Variants in RAP1A observed in about 807,000 individuals in gnomAD.
The protein encoded by RAP1A is RAP1A, member of RAS oncogene family.
A neutral mutation model predicts 26.4 loss-of-function variants in RAP1A; 6 were observed. That is an observed-to-expected ratio of 0.23 (90% confidence interval 0.12 to 0.45). The LOEUF (loss-of-function observed/expected upper bound fraction) is 0.45. Ranked by LOEUF, RAP1A falls within the 20% of genes least tolerant of loss-of-function variation. The pLI is 0.99. For missense variants in RAP1A, 121 were observed against 217.2 expected, an observed-to-expected ratio of 0.56 and a Z score of 2.78; for synonymous variants, 73 against 79.4, an observed-to-expected ratio of 0.92 and a Z score of 0.43.
intron 1 of RAP1A, among the ~76,000 whole-genome samples, chr1:111,600,341 C>T (rs1481560224): frequency 6.6e-6 from 1 of 152,222 alleles, no homozygotes; most frequent in Non-Finnish European, 1.5e-5. Flanking sequence ...ACTAGATATT[C>T]TACCATCTCT....
chr1:111,626,370 TACACACACACAC>T (rs3084315), intron 1 of RAP1A, among the ~76,000 whole-genome samples: 3 of 149,278 alleles, frequency 2.0e-5, no homozygotes, highest in African/African-American at 7.4e-5. Flanking sequence ...TATGTATACA[TACACACACACAC>T]ACACACACAC....
intron 1 of RAP1A, among the ~76,000 whole-genome samples, chr1:111,596,131 AG>A (rs1216693017): frequency 1.3e-5 from 2 of 152,190 alleles, no homozygotes; most frequent in African/African-American, 4.8e-5. Flanking sequence ...TTTAAAAAAG[AG>A]TTAATGCTTA....
At chr1:111,591,627 G>A (rs1057371538) in intron 1 of RAP1A, among the ~76,000 whole-genome samples, 26 of 152,190 alleles carry the variant, frequency 1.7e-4, no homozygotes, top group African/African-American at 6.3e-4. Flanking sequence ...AGCGCATGAT[G>A]TTATTAAAGC....
At chr1:111,702,718 G>A (rs1423115313) in intron 4 of RAP1A, among the ~76,000 whole-genome samples, 3 of 149,766 alleles carry the variant, frequency 2.0e-5, no homozygotes, top group Non-Finnish European at 3.0e-5. Flanking sequence ...GCACCACTAC[G>A]CCCGGCTAAT....
chr1:111,639,850 C>CT (rs1223803319), intron 1 of RAP1A, among the ~76,000 whole-genome samples: 1 of 152,200 alleles, frequency 6.6e-6, no homozygotes, highest in Non-Finnish European at 1.5e-5. Flanking sequence ...GGGTCTGCGT[C>CT]TATCAAAGTG....
At chr1:111,664,396 A>C (rs966676985) in intron 1 of RAP1A, among the ~76,000 whole-genome samples, 118 of 140,956 alleles carry the variant, frequency 8.4e-4, no homozygotes, top group Non-Finnish European at 9.7e-4. Context: ...AAAAAAAAAA[A>C]AACAAAAAAC....
intron 1 of RAP1A, chr1:111,648,174 A>AGTGTGTGT (rs143658994): frequency 2.1e-3 from 482 of 230,946 alleles, no homozygotes; most frequent in Middle Eastern, 5.0e-3. Context: ...AGGTTCAAAC[A>AGTGTGTGT]GTGTGTGTGT....
chr1:111,646,444 AC>A (rs1660070339), intron 1 of RAP1A, among the ~76,000 whole-genome samples: 1 of 151,476 alleles, frequency 6.6e-6, no homozygotes, highest in South Asian at 2.1e-4. Context: ...ACAAAACAAA[AC>A]CTCAATTCCC....
At chr1:111,706,455 CATATAT>C (rs145638494) in intron 6 of RAP1A, among the ~76,000 whole-genome samples, 1 of 149,664 alleles carries the variant, frequency 6.7e-6, no homozygotes, top group African/African-American at 2.4e-5. Context: ...CTAATTCATT[CATATAT>C]ATATATATAT....
intron 2 of RAP1A, among the ~76,000 whole-genome samples, chr1:111,693,387 A>G (rs1661729068): frequency 6.6e-6 from 1 of 152,062 alleles, no homozygotes; most frequent in African/African-American, 2.4e-5. Context: ...TTGTTTTAGA[A>G]TTGGAGATAG....
chr1:111,657,524 T>A (rs575601052), intron 1 of RAP1A, among the ~76,000 whole-genome samples: 61 of 152,324 alleles, frequency 4.0e-4, no homozygotes, highest in Non-Finnish European at 7.5e-4. Flanking sequence ...ATCTAAGCAA[T>A]CATTGCCAAA....
chr1:111,694,082 C>T (rs1661757425), intron 2 of RAP1A, among the ~76,000 whole-genome samples: 1 of 151,970 alleles, frequency 6.6e-6, no homozygotes, highest in African/African-American at 2.4e-5. Context: ...TAGAGACAGT[C>T]TCACTATGTT....
intron 1 of RAP1A, among the ~76,000 whole-genome samples, chr1:111,568,833 TCTC>T (rs1178121142): frequency 6.6e-6 from 1 of 152,048 alleles, no homozygotes; most frequent in Non-Finnish European, 1.5e-5. Context: ...TCCACCTTCT[TCTC>T]CTCAGCCTAC....
intron 1 of RAP1A, among the ~76,000 whole-genome samples, chr1:111,613,152 GTTTTT>G (rs149014253): frequency 9.1e-5 from 13 of 142,784 alleles, no homozygotes; most frequent in Non-Finnish European, 1.8e-4. Flanking sequence ...AAAACGTAGG[GTTTTT>G]TTTTTTTTTA....
Position 111,677,137 on chromosome 1 carries a change from T to G in RAP1A, c.-27-14197T>G, listed in dbSNP as rs146568266. On this transcript the variant is annotated intron_variant, in intron 1 of 7. Transcript: ENST00000369709. The stretch of plus-strand genomic sequence containing the variant: ...AAGTAGAATTACAGAATATTACTCT[T>G]TGTGTCTGTCTTATTTTGCTGAACA... Among the ~76,000 whole-genome samples, 358 of 152,356 alleles carry G rather than the reference T, an allele frequency of 2.3e-3. 2 individuals are homozygous for G. The highest frequency in any genetic ancestry group is 8.3e-3 in the African/African-American group (344 of 41,586).
intron 1 of RAP1A, among the ~76,000 whole-genome samples, chr1:111,607,601 G>A (rs1445323380): frequency 2.0e-5 from 3 of 149,046 alleles, no homozygotes; most frequent in Non-Finnish European, 3.0e-5. Flanking sequence ...GGGCAGAGGC[G>A]CCCCTCACCT....
At position 111,695,889 on chromosome 1, in the gene RAP1A, G is replaced by A. The variant is rs146268510; in HGVS notation, c.126+480G>A. Among the ~76,000 whole-genome samples, 3 of 152,302 alleles carry A rather than the reference G, an allele frequency of 2.0e-5. No individual in the cohort carries two copies. In the East Asian group the frequency reaches 5.8e-4, roughly 29 times the overall value. ...TGTCAAAACCCATAGAATGTACCAT[G>A]CCAAAAGAAAATCCTAATGTAAACT... On this transcript the variant is annotated intron_variant, in intron 3 of 7. Coordinates refer to ENST00000369709, the MANE Select transcript of RAP1A (RefSeq NM_002884.4).
At chr1:111,702,631 G>A (rs922127256) in intron 4 of RAP1A, among the ~76,000 whole-genome samples, 2 of 151,440 alleles carry the variant, frequency 1.3e-5, no homozygotes, top group African/African-American at 4.8e-5. Flanking sequence ...GCAGTGGTGC[G>A]ATGTTGGCTC....
At chr1:111,652,232 G>A (rs190247528) in intron 1 of RAP1A, among the ~76,000 whole-genome samples, 8 of 151,836 alleles carry the variant, frequency 5.3e-5, no homozygotes, top group East Asian at 1.9e-4. Flanking sequence ...CCTTAGCCTC[G>A]CAAAGTGCTG....
Sources: allele counts gnomAD v4.1 joint callset (sites outside exome capture counted in the v4.1 genomes callset), GRCh38; gene constraint gnomAD v4.1.1; transcripts MANE v1.5; gene names NCBI Gene and HGNC (gene_info 2026-07-23, HGNC 2026-07-21).